AMPH: variants seen among roughly 807,000 people sequenced by gnomAD.
The protein encoded by AMPH is amphiphysin, also known as amphiphysin (Stiff-Mann syndrome with breast cancer 128kD autoantigen).
AMPH carries 49 observed loss-of-function variants against 99.1 expected under a neutral mutation model. That is an observed-to-expected ratio of 0.49 (90% CI 0.39 to 0.63). The LOEUF is 0.63. Among genes scored for constraint, AMPH ranks in the 20% least tolerant of loss-of-function variants. AMPH has a pLI of 0.00. For missense variants in AMPH, 759 were observed against 863.4 expected (o/e 0.88, Z 1.52); for synonymous variants, 314 against 317.3 (o/e 0.99, Z 0.11).
rs1157744817 is a variant in AMPH, at chr7:38,463,127, G to C, written c.750-14C>G. 2 of 1,613,934 alleles carry C rather than the reference G, an allele frequency of 1.2e-6. No individual in the cohort carries two copies. Among genetic ancestry groups the C allele is most frequent in the Non-Finnish European group, 1.7e-6 (2 of 1,179,880 alleles). ...GGACCCGAATCACTAGAGGAACACA[G>C]GGGATTGGGCAAGGGGCCTTCTCAA... On this transcript the variant is annotated splice_polypyrimidine_tract_variant and intron_variant, in intron 9 of 20. Coordinates refer to ENST00000356264, the MANE Select transcript of AMPH (RefSeq NM_001635.4).
intron 2 of AMPH, among the ~76,000 whole-genome samples, chr7:38,518,592 T>G (rs6952029): frequency 0.98 from 148,740 of 152,318 alleles, 72,643 homozygotes; most frequent in East Asian, 1. Flanking sequence ...TGTCTATTTA[T>G]CCCCTTTAGA....
chr7:38,460,127 A>G (rs986576920), intron 11 of AMPH, among the ~76,000 whole-genome samples: 1 of 152,178 alleles, frequency 6.6e-6, no homozygotes, highest in African/African-American at 2.4e-5. Flanking sequence ...TCCAAATCAA[A>G]ACCAAATTGA....
chr7:38,573,026 G>A (rs534530438), intron 1 of AMPH, among the ~76,000 whole-genome samples: 4 of 152,146 alleles, frequency 2.6e-5, no homozygotes, highest in Non-Finnish European at 5.9e-5. Flanking sequence ...ATGTCATCAT[G>A]ATTAGTGTTA....
intron 2 of AMPH, among the ~76,000 whole-genome samples, chr7:38,522,948 A>C (rs1790026981): frequency 2.6e-5 from 4 of 152,006 alleles, no homozygotes. Context: ...TCTTTACTAA[A>C]AATACAAAAA....
intron 1 of AMPH, 66 bp downstream of exon 1, chr7:38,631,217 C>G (rs1794451106): frequency 7.7e-6 from 11 of 1,434,114 alleles, no homozygotes; most frequent in Non-Finnish European, 1.0e-5. Flanking sequence ...ACAGCTGCAG[C>G]CGGTGCCCTC....
chr7:38,583,991 G>A (rs1441275728), intron 1 of AMPH, among the ~76,000 whole-genome samples: 7 of 152,092 alleles, frequency 4.6e-5, no homozygotes, highest in Non-Finnish European at 1.0e-4. Flanking sequence ...GTGTTTCCGG[G>A]GTTTAGAATT....
intron 16 of AMPH, among the ~76,000 whole-genome samples, chr7:38,420,691 G>T (rs1584066117): frequency 7.9e-6 from 1 of 126,546 alleles, no homozygotes; most frequent in Non-Finnish European, 1.9e-5. Flanking sequence ...GGGACAGCAG[G>T]GGCAGAAGTC....
intron 14 of AMPH, chr7:38,428,243 G>C (rs181547755): frequency 3.3e-4 from 150 of 456,712 alleles, no homozygotes; most frequent in African/African-American, 2.6e-3. Context: ...CTGAATCCAA[G>C]CTTGGCTGCC....
chr7:38,383,900 T>A lies in AMPH; in HGVS notation c.*918A>T, dbSNP rs1435223778. 1 of 152,620 alleles carries A rather than the reference T, an allele frequency of 6.6e-6. No individual in the cohort carries two copies. The highest frequency in any genetic ancestry group is 1.5e-5 in the Non-Finnish European group (1 of 68,038). The allele number at this position is 152,620 out of a possible 1,614,324, so 9.5% of individuals were successfully genotyped here. On this transcript the variant is annotated 3_prime_UTR_variant, in exon 21 of 21. Coordinates refer to ENST00000356264, the MANE Select transcript of AMPH (RefSeq NM_001635.4). The stretch of plus-strand genomic sequence containing the variant: ...TTTATAGTGTTCTTTTGGGGGTAGA[T>A]GAATATGCCCCATCTTTCTACCCAA...
chr7:38,462,962 G>T lies in AMPH; in HGVS notation c.888+13C>A. ...ATGAGCTCTATCCCCCAATATATTT[G>T]ACCTCTTCCTACCTGTGAAGGTGAC... On this transcript the variant is annotated intron_variant, in intron 10 of 20. Transcript: ENST00000356264. The T allele has an allele frequency of 6.5e-7, 1 of 1,541,620 alleles. No individual in the cohort carries two copies. The highest frequency in any genetic ancestry group is 1.3e-5 in the South Asian group (1 of 79,154).
chr7:38,546,427 ACACTAT>A (rs968479237), intron 1 of AMPH, among the ~76,000 whole-genome samples: 1 of 152,200 alleles, frequency 6.6e-6, no homozygotes, highest in Non-Finnish European at 1.5e-5. Flanking sequence ...AAAAAATTAA[ACACTAT>A]TTTGTAGGAG....
chr7:38,427,966 T>A, intron 14 of AMPH: 1 of 456,712 alleles, frequency 2.2e-6, no homozygotes, highest in Non-Finnish European at 4.4e-6. Flanking sequence ...GTGCTAGCAT[T>A]CCAGGAGGTC....
chr7:38,501,859 G>C (rs959654114), intron 3 of AMPH, among the ~76,000 whole-genome samples: 5 of 151,950 alleles, frequency 3.3e-5, no homozygotes, highest in African/African-American at 1.2e-4. Flanking sequence ...TACATGAATG[G>C]AGTCCACTTC....
rs6955050 is a variant in AMPH at position 38,596,365 on chromosome 7, T to C, written c.69+34918A>G. Among the ~76,000 whole-genome samples, 1,132 of 152,292 alleles carry C rather than the reference T, an allele frequency of 7.4e-3. 13 individuals carry two copies. The highest frequency in any genetic ancestry group is 0.025 in the African/African-American group (1,051 of 41,548). ...AGTTCCAGCCTGGGCACACACAGGA[T>C]TGGCTCTTCAGACAGAAATCAGGAG... On this transcript the variant is annotated intron_variant, in intron 1 of 20. Transcript: ENST00000356264.
chr7:38,406,859 G>C (rs79029226), intron 17 of AMPH, among the ~76,000 whole-genome samples: 2,128 of 146,066 alleles, frequency 0.015, 56 homozygotes, highest in African/African-American at 0.053. Flanking sequence ...GGGGTTCTCA[G>C]GCCTTTGGCA....
chr7:38,599,913 G>A (rs1428046991), intron 1 of AMPH, among the ~76,000 whole-genome samples: 1 of 151,836 alleles, frequency 6.6e-6, no homozygotes, highest in Non-Finnish European at 1.5e-5. Context: ...CCACTGTTAT[G>A]AGTCTCCTCA....
At chr7:38,565,690 G>A (rs536236638) in intron 1 of AMPH, among the ~76,000 whole-genome samples, 10 of 144,008 alleles carry the variant, frequency 6.9e-5, no homozygotes, top group African/African-American at 2.5e-4. Context: ...GGGGGGTGGG[G>A]AGGTCACAAT....
At chr7:38,433,220 C>T (rs1326366962) in intron 12 of AMPH, among the ~76,000 whole-genome samples, 3 of 152,190 alleles carry the variant, frequency 2.0e-5, no homozygotes, top group African/African-American at 4.8e-5. Flanking sequence ...GATACCCACC[C>T]ACCTGGTTGG....
intron 3 of AMPH, among the ~76,000 whole-genome samples, chr7:38,496,462 G>A (rs544140616): frequency 5.9e-5 from 9 of 152,160 alleles, no homozygotes; most frequent in Non-Finnish European, 5.9e-5. Flanking sequence ...GACCACCATC[G>A]GACGAAGCCC....
Sources: allele counts gnomAD v4.1 joint callset (sites outside exome capture counted in the v4.1 genomes callset), GRCh38; gene constraint gnomAD v4.1.1; transcripts MANE v1.5; gene names NCBI Gene and HGNC (gene_info 2026-07-23, HGNC 2026-07-21).